MCF2: variants seen among roughly 807,000 people sequenced by gnomAD.
The protein encoded by MCF2 is proto-oncogene DBL.
MCF2 carries 44 observed loss-of-function variants against 82.5 expected under a neutral mutation model. The observed-to-expected ratio is 0.53, with a 90% confidence interval of 0.42 to 0.69. MCF2 has a LOEUF of 0.69. MCF2 is among the 30% of genes least tolerant of loss of function. MCF2 has a pLI of 0.00. For synonymous variants in MCF2, 217 were observed against 224.9 expected, an observed-to-expected ratio of 0.96 and a Z score of 0.32; for missense variants, 623 against 663.1, an observed-to-expected ratio of 0.94 and a Z score of 0.66.
intron 16 of MCF2, among the ~76,000 whole-genome samples, chrX:139,598,980 A>G (rs1930316120): frequency 9.0e-6 from 1 of 110,533 alleles, no homozygotes; most frequent in African/African-American, 3.3e-5. Flanking sequence ...ATACTTCAGT[A>G]ATTGGCCCAT....
At chrX:139,673,583 C>T (rs917471854) in intron 1 of MCF2, among the ~76,000 whole-genome samples, 3 of 112,092 alleles carry the variant, frequency 2.7e-5, no homozygotes, top group African/African-American at 9.7e-5. Context: ...ACCCAGTGGT[C>T]ATCCAGGAGC....
At position 139,694,405 on chromosome X, in the gene MCF2, G is replaced by GA. The variant is rs35637193; in HGVS notation, c.-45+13700dup. Among the ~76,000 whole-genome samples the GA allele has an allele frequency of 5.7e-3, 403 of 70,440 alleles. 1 individual carries two copies. Among genetic ancestry groups the GA allele is most frequent in the East Asian group, 0.023 (47 of 2,046 alleles). 61.2% of individuals were successfully genotyped at this position (70,440 alleles called of 115,157 possible). On this transcript the variant is annotated intron_variant, in intron 1 of 27. Transcript: ENST00000414978. ...GATCGAGAATAGCCAAAACAATCTT[G>GA]AAAAAAAAAAAAAACAAAGAGGACT...
At chrX:139,586,058 G>A (rs1167525852) in intron 23 of MCF2, among the ~76,000 whole-genome samples, 2 of 111,524 alleles carry the variant, frequency 1.8e-5, no homozygotes, top group Non-Finnish European at 3.8e-5. Flanking sequence ...CACAGAGAGA[G>A]CCTGTTAAAA....
At chrX:139,658,622 T>G (rs1934262921) in intron 1 of MCF2, among the ~76,000 whole-genome samples, 1 of 109,192 alleles carries the variant, frequency 9.2e-6, no homozygotes, top group African/African-American at 3.3e-5. Flanking sequence ...TCAAAATTCT[T>G]TAAGCCTACC....
At position 139,642,590 on chromosome X, in the gene MCF2, T is replaced by A; in HGVS notation, c.-72A>T. 3.3e-6 allele frequency: 4 copies of A among 1,208,124 alleles called. No homozygotes were observed. The South Asian group carries it at 7.0e-5, about 21-fold the overall frequency. The stretch of plus-strand genomic sequence containing the variant: ...CGTTGATGAAATACGAGCTGCTTCT[T>A]GGGTAGTATTTAAAAACGGCAGCCA... On this transcript the variant is annotated 5_prime_UTR_variant, in exon 1 of 25. Coordinates refer to ENST00000370576, the Ensembl canonical transcript of MCF2.
chrX:139,604,351 G>C (rs1484081600), intron 15 of MCF2, among the ~76,000 whole-genome samples: 1 of 110,058 alleles, frequency 9.1e-6, no homozygotes, highest in Non-Finnish European at 1.9e-5. Context: ...GCCCCAGATG[G>C]TTTTGTTATC....
At chrX:139,626,429 A>T in intron 5 of MCF2, 122 bp from the exon 9 acceptor site, 1 of 575,450 alleles carries the variant, frequency 1.7e-6, no homozygotes, top group Non-Finnish European at 2.8e-6. Context: ...ACTTGGTTCT[A>T]CCTATAGAGA....
chrX:139,595,845 T>G (rs1199063210), intron 19 of MCF2, among the ~76,000 whole-genome samples: 1 of 111,912 alleles, frequency 8.9e-6, no homozygotes, highest in Non-Finnish European at 1.9e-5. Context: ...TTGGAAGTTC[T>G]TCTTCTCTAT....
chrX:139,645,964 A>G (rs1933788514), upstream of MCF2, among the ~76,000 whole-genome samples: 1 of 111,730 alleles, frequency 9.0e-6, no homozygotes, highest in Non-Finnish European at 1.9e-5. Flanking sequence ...GGGAAAACTC[A>G]AAAGATAAGT....
At chrX:139,603,462 T>C (rs1387961668) in intron 15 of MCF2, among the ~76,000 whole-genome samples, 1 of 112,479 alleles carries the variant, frequency 8.9e-6, no homozygotes, top group Non-Finnish European at 1.9e-5. Flanking sequence ...TTACATACTA[T>C]GGAGTCTAAA....
rs370336111 is a variant in MCF2, at chrX:139,617,785, C to A, written c.808-81G>T. 30 of 587,769 alleles carry A rather than the reference C, an allele frequency of 5.1e-5. No individual in the cohort carries two copies. The East Asian group carries it at 1.1e-3, about 22-fold the overall frequency. The allele number at this position is 587,769 out of a possible 1,213,427, so 48.4% of individuals were successfully genotyped here. ...AAAAAAGAAGAAAATAATTAAGAAG[C>A]AAAATGTTTGAGCAAGAAGGATACA... On this transcript the variant is annotated intron_variant, in intron 7 of 24. Coordinates refer to ENST00000370576, the Ensembl canonical transcript of MCF2.
At chrX:139,605,441 T>C (rs745369634) in intron 13 of MCF2, among the ~76,000 whole-genome samples, 2 of 111,755 alleles carry the variant, frequency 1.8e-5, no homozygotes, top group South Asian at 7.5e-4. Context: ...AATAGCACCC[T>C]GGGAATAATT....
exon 23 of MCF2, chrX:139,586,410 G>C: frequency 1.7e-6 from 2 of 1,209,312 alleles, no homozygotes; most frequent in Non-Finnish European, 2.2e-6. Flanking sequence ...TGACGCAATT[G>C]CCTCACAGAC....
chrX:139,692,074 T>C, intron 1 of MCF2: 1 of 1,164,969 alleles, frequency 8.6e-7, no homozygotes, highest in Non-Finnish European at 1.1e-6. Flanking sequence ...AGGCCTGGGA[T>C]CCTGCCGCAG....
At chrX:139,703,898 T>G (rs781443275) in intron 1 of MCF2, among the ~76,000 whole-genome samples, 1 of 111,938 alleles carries the variant, frequency 8.9e-6, no homozygotes, top group South Asian at 3.8e-4. Context: ...ATGAGATTAT[T>G]CAAAAATAAC....
In MCF2 at chrX:139,699,951, G is replaced by A. The variant is rs1023038705; in HGVS notation, c.-45+8155C>T. Among the ~76,000 whole-genome samples the A allele has an allele frequency of 3.6e-5, 4 of 111,803 alleles. No homozygotes were observed. In the Admixed American group the frequency reaches 3.8e-4, roughly 11 times the overall value. On this transcript the variant is annotated intron_variant, in intron 1 of 27. Transcript: ENST00000414978. ...GTATTCTCAGGACAAACTTTCCAAGGCCTCTTATTGTTGTTGAAATAGCTA... is the reference window on the plus strand; with the variant it reads ...GTATTCTCAGGACAAACTTTCCAAGACCTCTTATTGTTGTTGAAATAGCTA...
chrX:139,634,585 A>G (rs996465947), intron 1 of MCF2, among the ~76,000 whole-genome samples: 2 of 111,957 alleles, frequency 1.8e-5, no homozygotes, highest in East Asian at 2.8e-4. Context: ...AAAAGAGCAT[A>G]AAATTAAATC....
intron 1 of MCF2, among the ~76,000 whole-genome samples, chrX:139,636,290 T>A (rs757806219): frequency 9.0e-6 from 1 of 111,228 alleles, no homozygotes; most frequent in Non-Finnish European, 1.9e-5. Context: ...CCTGGGTAAA[T>A]TCCCATTATA....
chrX:139,649,167 TGAGA>T (rs1933907481), intron 2 of MCF2, among the ~76,000 whole-genome samples: 1 of 112,373 alleles, frequency 8.9e-6, no homozygotes. Flanking sequence ...AAGGGAAACT[TGAGA>T]GACAGTATTC....
Sources: gnomAD v4.1 joint callset for allele counts (sites outside exome capture counted in the v4.1 genomes callset) on GRCh38, gnomAD v4.1.1 for gene constraint, MANE v1.5 for transcripts, NCBI Gene and HGNC (gene_info 2026-07-23, HGNC 2026-07-21) for gene names.